VTI1A: variants seen among roughly 807,000 people sequenced by gnomAD.
The protein encoded by VTI1A is vesicle transport through interaction with t-SNAREs 1A.
Under a neutral mutation model 34.9 loss-of-function variants are expected in VTI1A, and 22 were observed. The ratio of observed to expected loss-of-function variants is 0.63; its 90% CI spans 0.45 to 0.90. The LOEUF (loss-of-function observed/expected upper bound fraction) is 0.90. Among genes scored for constraint, VTI1A ranks in the 40% least tolerant of loss-of-function variants. The pLI, the probability that VTI1A is intolerant of heterozygous loss-of-function variation, is 0.00. For synonymous variants in VTI1A, 87 were observed against 97.3 expected (o/e 0.89, Z 0.62); for missense variants, 268 against 275.6 (o/e 0.97, Z 0.20).
At chr10:112,712,630 A>C (rs991572262) in intron 7 of VTI1A, among the ~76,000 whole-genome samples, 4 of 152,132 alleles carry the variant, frequency 2.6e-5, no homozygotes, top group Admixed American at 6.5e-5. Flanking sequence ...CTTCCTAAAG[A>C]ATCTTTGCTT....
At chr10:112,640,723 G>T (rs1846537458) in intron 5 of VTI1A, among the ~76,000 whole-genome samples, 1 of 152,120 alleles carries the variant, frequency 6.6e-6, no homozygotes, top group Non-Finnish European at 1.5e-5. Flanking sequence ...TACAGCTAAA[G>T]CATTTTAATA....
At chr10:112,460,667 G>T in intron 2 of VTI1A, 85 bp downstream of exon 2, 1 of 1,082,964 alleles carries the variant, frequency 9.2e-7, no homozygotes, top group South Asian at 2.4e-5. Context: ...ATACATTGTG[G>T]AAATGTGAAG....
downstream of VTI1A, among the ~76,000 whole-genome samples, chr10:112,820,452 T>C (rs1175838575): frequency 6.6e-6 from 1 of 152,230 alleles, no homozygotes; most frequent in Non-Finnish European, 1.5e-5. Context: ...ACTTTGCCTG[T>C]GACCCATCAG....
intron 2 of VTI1A, among the ~76,000 whole-genome samples, chr10:112,462,894 GTTT>G (rs540335079): frequency 7.0e-6 from 1 of 142,858 alleles, no homozygotes; most frequent in Non-Finnish European, 1.6e-5. Flanking sequence ...GTTGTTACTG[GTTT>G]TTATTTATTT....
At chr10:112,836,896 T>C in the VTI1A span, among the ~76,000 whole-genome samples, 24,926 of 152,226 alleles carry the variant, frequency 0.16, 2,558 homozygotes, top group Middle Eastern at 0.26. Context: ...CTCGGAAGAA[T>C]GCAGTGGCTT....
chr10:112,603,195 T>C (rs11812926), intron 5 of VTI1A, among the ~76,000 whole-genome samples: 2,889 of 152,324 alleles, frequency 0.019, 84 homozygotes, highest in African/African-American at 0.065. Context: ...TTGGGCCATG[T>C]GGCATTGAAA....
At chr10:112,546,049 C>G (rs143339908) in intron 5 of VTI1A, among the ~76,000 whole-genome samples, 1 of 145,154 alleles carries the variant, frequency 6.9e-6, no homozygotes, top group Non-Finnish European at 1.5e-5. Flanking sequence ...TGTGTATATA[C>G]GTGTATACGC....
intron 3 of VTI1A, among the ~76,000 whole-genome samples, chr10:112,506,182 T>C (rs1849420896): frequency 6.6e-6 from 1 of 152,156 alleles, no homozygotes; most frequent in South Asian, 2.1e-4. Context: ...ATTACTGTAC[T>C]GGAGACTGTA....
intron 7 of VTI1A, among the ~76,000 whole-genome samples, chr10:112,742,591 G>A (rs1393025860): frequency 6.6e-6 from 1 of 152,154 alleles, no homozygotes; most frequent in South Asian, 2.1e-4. Context: ...CTGCTAAATG[G>A]TTTGCTTAAT....
chr10:112,636,675 G>T (rs1846363079), intron 5 of VTI1A, among the ~76,000 whole-genome samples: 1 of 148,108 alleles, frequency 6.8e-6, no homozygotes, highest in South Asian at 2.2e-4. Context: ...GTTGCAGTGA[G>T]CTGAGATTGC....
chr10:112,593,667 C>A lies in VTI1A; in HGVS notation c.427+55337C>A, dbSNP rs1209082249. On this transcript the variant is annotated intron_variant, in intron 5 of 7. Transcript: ENST00000393077. ...TAAACATTTTTTGGTAAATACCAGG[C>A]GTCATAGGCTAGCAGGCTGTGTATG... Among the ~76,000 whole-genome samples the A allele has an allele frequency of 4.6e-5, 7 of 152,278 alleles. No individual in the cohort carries two copies. In the Middle Eastern group the frequency reaches 0.01, roughly 222 times the overall value.
intron 7 of VTI1A, among the ~76,000 whole-genome samples, chr10:112,681,133 TG>T (rs1411649648): frequency 2.0e-5 from 3 of 151,396 alleles, no homozygotes; most frequent in African/African-American, 7.3e-5. Context: ...TAGGGTACAG[TG>T]GCCCAACAAT....
intron 5 of VTI1A, among the ~76,000 whole-genome samples, chr10:112,571,827 TGTCCTTTGC>T (rs1461241045): frequency 4.6e-5 from 7 of 152,204 alleles, no homozygotes; most frequent in Non-Finnish European, 1.0e-4. Flanking sequence ...AACACAATCA[TGTCCTTTGC>T]AGGAACGTGG....
chr10:112,618,385 A>G (rs1339023929), intron 5 of VTI1A, among the ~76,000 whole-genome samples: 4 of 150,418 alleles, frequency 2.7e-5, no homozygotes, highest in Non-Finnish European at 5.9e-5. Flanking sequence ...CATCATCATC[A>G]TCCTTAGGTG....
intron 4 of VTI1A, chr10:112,533,647 A>G: frequency 2.6e-6 from 2 of 756,694 alleles, no homozygotes; most frequent in Non-Finnish European, 3.2e-6. Flanking sequence ...TTGTTTTTCC[A>G]GGTAAATCTA....
rs752983520 is a variant in VTI1A at position 112,657,815 on chromosome 10, GTGTGTT to G, written c.428-10397_428-10392del. Among the ~76,000 whole-genome samples the G allele has an allele frequency of 4.5e-3, 664 of 146,894 alleles. 9 individuals are homozygous for G. The highest frequency in any genetic ancestry group is 0.017 in the African/African-American group (635 of 36,514). ...AAAGAACACTATATTGTGTGTGTGT[GTGTGTT>G]TGTGTGTGTATATATATGCCTTAAA... On this transcript the variant is annotated intron_variant, in intron 5 of 7. Coordinates refer to ENST00000393077, the MANE Select transcript of VTI1A (RefSeq NM_145206.4).
At chr10:112,632,763 T>G (rs1846183944) in intron 5 of VTI1A, among the ~76,000 whole-genome samples, 1 of 152,116 alleles carries the variant, frequency 6.6e-6, no homozygotes, top group Non-Finnish European at 1.5e-5. Flanking sequence ...TAATGCGACT[T>G]GTAGTATTTG....
intron 7 of VTI1A, among the ~76,000 whole-genome samples, chr10:112,768,286 A>G (rs1317716911): frequency 6.6e-6 from 1 of 152,226 alleles, no homozygotes; most frequent in African/African-American, 2.4e-5. Context: ...TGGAAATGTA[A>G]TTACTGCTCC....
intron 7 of VTI1A, among the ~76,000 whole-genome samples, chr10:112,732,208 G>A (rs1409292764): frequency 6.6e-6 from 1 of 152,194 alleles, no homozygotes; most frequent in Non-Finnish European, 1.5e-5. Context: ...TAGCTACAGA[G>A]ATGTGCTGGG....
Sources: gnomAD v4.1 joint callset for allele counts (sites outside exome capture counted in the v4.1 genomes callset) on GRCh38, gnomAD v4.1.1 for gene constraint, MANE v1.5 for transcripts, NCBI Gene and HGNC (gene_info 2026-07-23, HGNC 2026-07-21) for gene names.